The following PPARGC1B variants were observed in gnomAD, a reference collection of about 807,000 sequenced individuals.
PPARGC1B encodes the protein peroxisome proliferator-activated receptor gamma coactivator 1-beta.
PPARGC1B carries 34 observed loss-of-function variants against 101.6 expected under a neutral mutation model. The observed-to-expected ratio is 0.33, with a 90% CI of 0.25 to 0.45. The LOEUF (loss-of-function observed/expected upper bound fraction) is 0.45. PPARGC1B is among the 20% of genes least tolerant of loss of function. The pLI is 1.00. For missense variants in PPARGC1B, 1,234 were observed against 1,317.6 expected (o/e 0.94, Z 0.98); for synonymous variants, 548 against 539.3 (o/e 1.02, Z -0.22).
chr5:149,814,961 T>G (rs1187948923), intron 1 of PPARGC1B, among the ~76,000 whole-genome samples: 1 of 152,244 alleles, frequency 6.6e-6, no homozygotes, highest in Non-Finnish European at 1.5e-5. Flanking sequence ...AGGTCTGTCC[T>G]TGCTCAGCCA....
chr5:149,836,794 T>A lies in PPARGC1B; in HGVS notation c.2339T>A (p.Leu780Gln). 1 of 1,613,588 alleles carries A rather than the reference T, an allele frequency of 6.2e-7. No individual in the cohort carries two copies. The highest frequency in any genetic ancestry group is 1.3e-5 in the African/African-American group (1 of 75,050). The stretch of plus-strand genomic sequence containing the variant: ...GAGACCGCCCTGGAGGAGGAAGACC[T>A]GGCCTCCTGCAAGAGCCCTGAGTAT... ...LLETALEEED[L>Q]ASCKSPEYDT... The change falls in exon 8 of 12, where the codon CTG becomes CAG. Residue 780 changes from leucine (L) to glutamine (Q), a missense_variant. Physicochemically the swap from Leu to Gln is moderately radical, Grantham distance 113. Coordinates refer to ENST00000309241, the MANE Select transcript of PPARGC1B (RefSeq NM_133263.4).
intron 1 of PPARGC1B, among the ~76,000 whole-genome samples, chr5:149,768,441 ATTTT>A (rs34427591): frequency 0.025 from 3,183 of 127,484 alleles, 106 homozygotes; most frequent in African/African-American, 0.088. Context: ...TGCCTGGCTA[ATTTT>A]TTTTTTTTTT....
chr5:149,816,244 T>C (rs550256106), intron 1 of PPARGC1B, among the ~76,000 whole-genome samples: 42 of 152,250 alleles, frequency 2.8e-4, no homozygotes, highest in Non-Finnish European at 5.3e-4. Flanking sequence ...TTTTATGTGC[T>C]GGGTACACTT....
intron 1 of PPARGC1B, among the ~76,000 whole-genome samples, chr5:149,791,310 C>T (rs1314448732): frequency 6.6e-6 from 1 of 150,638 alleles, no homozygotes; most frequent in African/African-American, 2.5e-5. Flanking sequence ...AAAAAAATTT[C>T]TATTAAAAAA....
intron 2 of PPARGC1B, among the ~76,000 whole-genome samples, chr5:149,821,984 G>T (rs1412668618): frequency 2.6e-5 from 4 of 152,146 alleles, no homozygotes; most frequent in African/African-American, 7.2e-5. Flanking sequence ...CTGTAATCTA[G>T]GAACCCACAC....
At chr5:149,805,888 G>A (rs948496628) in intron 1 of PPARGC1B, among the ~76,000 whole-genome samples, 5 of 152,278 alleles carry the variant, frequency 3.3e-5, no homozygotes, top group African/African-American at 7.2e-5. Context: ...GGGCCATGGT[G>A]GAGCTGTGGG....
At chr5:149,809,077 AC>A (rs1333036420) in intron 1 of PPARGC1B, among the ~76,000 whole-genome samples, 1 of 151,624 alleles carries the variant, frequency 6.6e-6, no homozygotes, top group Non-Finnish European at 1.5e-5. Flanking sequence ...GGAGTTTGAG[AC>A]CGGCCTGGAC....
chr5:149,798,070 C>T (rs186354159), intron 1 of PPARGC1B, among the ~76,000 whole-genome samples: 1 of 152,178 alleles, frequency 6.6e-6, no homozygotes, highest in Non-Finnish European at 1.5e-5. Flanking sequence ...CTTATCATTC[C>T]CATTTTACAG....
chr5:149,807,287 T>C (rs1453941762), intron 1 of PPARGC1B, among the ~76,000 whole-genome samples: 1 of 152,136 alleles, frequency 6.6e-6, no homozygotes, highest in Non-Finnish European at 1.5e-5. Context: ...TCAGGTACTT[T>C]GTCATCCTCC....
intron 1 of PPARGC1B, among the ~76,000 whole-genome samples, chr5:149,793,297 C>G (rs1757091119): frequency 6.6e-6 from 1 of 152,124 alleles, no homozygotes; most frequent in Non-Finnish European, 1.5e-5. Context: ...GCACCTGACT[C>G]ATAGGAGATG....
chr5:149,780,616 G>A lies in PPARGC1B; in HGVS notation c.79-39817G>A, dbSNP rs73796257. ...TGTGTCAGCGGTTAGATAATGTGAA[G>A]CATAGTTAATCTCAAAAAGTTATTG... On this transcript the variant is annotated intron_variant, in intron 1 of 11. Transcript: ENST00000309241. 2.5e-3 allele frequency among the ~76,000 whole-genome samples: 379 copies of A among 152,344 alleles called. 1 individual carries two copies. Among genetic ancestry groups the A allele is most frequent in the African/African-American group, 8.6e-3 (358 of 41,576 alleles).
At chr5:149,812,372 T>C (rs1757897863) in intron 1 of PPARGC1B, among the ~76,000 whole-genome samples, 1 of 152,244 alleles carries the variant, frequency 6.6e-6, no homozygotes, top group Non-Finnish European at 1.5e-5. Flanking sequence ...CTCTCCCCAC[T>C]CTTCTCCTGG....
At chr5:149,768,973 T>C (rs1251818079) in intron 1 of PPARGC1B, among the ~76,000 whole-genome samples, 1 of 152,190 alleles carries the variant, frequency 6.6e-6, no homozygotes, top group Admixed American at 6.5e-5. Context: ...AGTTTTGATA[T>C]GAGTCTGCAA....
At chr5:149,834,754 G>A in intron 6 of PPARGC1B, 44 bp downstream of exon 6, 2 of 1,576,222 alleles carry the variant, frequency 1.3e-6, no homozygotes, top group Non-Finnish European at 1.7e-6. Flanking sequence ...ATGAGATTTT[G>A]TCTTGTTGGA....
chr5:149,806,819 CTGCTCTCGA>C (rs1172852554), intron 1 of PPARGC1B, among the ~76,000 whole-genome samples: 2 of 151,930 alleles, frequency 1.3e-5, no homozygotes, highest in Non-Finnish European at 2.9e-5. Context: ...TATTGGTCAG[CTGCTCTCGA>C]ACTCCTGTCC....
chr5:149,813,486 G>C (rs140578547), intron 1 of PPARGC1B, among the ~76,000 whole-genome samples: 5 of 152,292 alleles, frequency 3.3e-5, no homozygotes, highest in Admixed American at 6.5e-5. Flanking sequence ...GGGATTAGGT[G>C]GCTGGTCAAA....
chr5:149,844,996 A>G lies in PPARGC1B; in HGVS notation c.2817-764A>G, dbSNP rs1276965387. ...TAGGAGTCACTACATGACTCCAGCA[A>G]AGACCTGAGATGGATTCTTTGGGGT... On this transcript the variant is annotated intron_variant, in intron 10 of 11. Transcript: ENST00000309241. Among the ~76,000 whole-genome samples the G allele has an allele frequency of 2.0e-5, 3 of 152,192 alleles. 1 individual carries two copies. In the South Asian group the frequency reaches 6.2e-4, roughly 32 times the overall value.
At chr5:149,772,094 T>C in intron 1 of PPARGC1B, 1 of 1,582,014 alleles carries the variant, frequency 6.3e-7, no homozygotes, top group Non-Finnish European at 8.6e-7. Context: ...CTGATCTGGG[T>C]TGGGGCTGCC....
rs1305559517 is a variant in PPARGC1B at position 149,833,576 on chromosome 5, G to T, written c.1503G>T (p.Glu501Asp). 2 of 1,598,140 alleles carry T rather than the reference G, an allele frequency of 1.3e-6. No homozygotes were observed. The highest frequency in any genetic ancestry group is 2.3e-5 in the South Asian group (2 of 88,290). Residue 501 changes from glutamate (E) to aspartate (D), a missense_variant, in exon 5 of 12, where the codon GAG becomes GAT. Physicochemically the swap from Glu to Asp is conservative, Grantham distance 45 (BLOSUM62 2). This residue lies in a region of PPARGC1B where 734 missense variants were observed against 768.4 expected (regional missense o/e 0.96). Transcript: ENST00000309241. This position sits in a 1 kb window ranked among gnomAD's most constrained non-coding sequence, Gnocchi z 4.1. Reference sequence around the variant, plus strand: ...CAGATGAGCCGCTGGTCCCCTCGGAGCCCCAAGGTGCTCTGCCCTCACTGT... The same window carrying T: ...CAGATGAGCCGCTGGTCCCCTCGGATCCCCAAGGTGCTCTGCCCTCACTGT... ...TFADEPLVPS[E>D]PQGALPSLCL...
Sources: allele counts gnomAD v4.1 joint callset (sites outside exome capture counted in the v4.1 genomes callset), GRCh38; gene constraint gnomAD v4.1.1; regional missense constraint gnomAD v4.1.1; non-coding constraint Gnocchi (gnomAD v3.1); transcripts MANE v1.5; gene names NCBI Gene and HGNC (gene_info 2026-07-23, HGNC 2026-07-21).